The following GLRA2 variants were observed in gnomAD, a reference collection of about 807,000 sequenced individuals.
The protein encoded by GLRA2 is glycine receptor alpha 2, also known as glycine receptor subunit alpha-2.
In GLRA2, 11 loss-of-function variants were observed where a neutral mutation model predicts 31.6. That is an observed-to-expected ratio of 0.35 (90% CI 0.22 to 0.58). The LOEUF (loss-of-function observed/expected upper bound fraction) is 0.58, where lower values mean the gene tolerates loss of function less well. GLRA2 is among the 20% of genes least tolerant of loss of function. The probability of loss-of-function intolerance (pLI) is 0.84; values close to 1 mark genes in which losing one functional copy is unlikely to be tolerated. For missense variants in GLRA2, 212 were observed against 351.8 expected, an observed-to-expected ratio of 0.60 and a Z score of 3.18; for synonymous variants, 132 against 134.0, an observed-to-expected ratio of 0.99 and a Z score of 0.10.
At chrX:14,626,616 C>A (rs1192981920) in intron 7 of GLRA2, among the ~76,000 whole-genome samples, 1 of 111,650 alleles carries the variant, frequency 9.0e-6, no homozygotes, top group African/African-American at 3.2e-5. Context: ...TTTTAACCAT[C>A]ATTTTCATCA....
At chrX:14,691,286 T>A (rs924676062) in intron 8 of GLRA2, among the ~76,000 whole-genome samples, 1,030 of 67,843 alleles carry the variant, frequency 0.015, 16 homozygotes, top group African/African-American at 0.046. Context: ...TGTGTGTGTG[T>A]GTGTGTGTGT....
chrX:14,493,704 TACAC>T, the GLRA2 span, among the ~76,000 whole-genome samples: 1 of 96,593 alleles, frequency 1.0e-5, no homozygotes, highest in Non-Finnish European at 2.0e-5. Context: ...TATATATGTA[TACAC>T]ATGTATACAT....
the GLRA2 span, among the ~76,000 whole-genome samples, chrX:14,515,736 T>C: frequency 8.9e-6 from 1 of 112,200 alleles, no homozygotes; most frequent in Non-Finnish European, 1.9e-5. Flanking sequence ...ACTCATTCTT[T>C]GCCTTTGTAA....
At chrX:14,668,546 T>A (rs948020596) in intron 7 of GLRA2, among the ~76,000 whole-genome samples, 3 of 112,178 alleles carry the variant, frequency 2.7e-5, no homozygotes, top group Admixed American at 9.4e-5. Flanking sequence ...ACTGGGCAAT[T>A]TACAAAAGAA....
At chrX:14,659,207 G>GT (rs2090968934) in intron 7 of GLRA2, among the ~76,000 whole-genome samples, 3 of 112,176 alleles carry the variant, frequency 2.7e-5, no homozygotes, top group Non-Finnish European at 5.6e-5. Context: ...CAAAGGCAGA[G>GT]TTGAGTAGTT....
At chrX:14,630,821 T>A (rs890805036) in intron 7 of GLRA2, among the ~76,000 whole-genome samples, 3 of 97,360 alleles carry the variant, frequency 3.1e-5, no homozygotes, top group Admixed American at 1.1e-4. Flanking sequence ...TTTTTTTTTT[T>A]AATACCTTAA....
chrX:14,587,905 ATT>A (rs143523144), intron 4 of GLRA2, among the ~76,000 whole-genome samples: 4 of 98,445 alleles, frequency 4.1e-5, no homozygotes, highest in African/African-American at 1.5e-4. Context: ...TCTGTCTAGG[ATT>A]TTTTTTTTTT....
chrX:14,603,636 G>A (rs749326049), intron 4 of GLRA2, among the ~76,000 whole-genome samples: 2 of 111,739 alleles, frequency 1.8e-5, no homozygotes, highest in South Asian at 7.5e-4. Flanking sequence ...CTTAGGCAAG[G>A]ATTTCATGAC....
chrX:14,719,901 A>T (rs1190446458), intron 8 of GLRA2, among the ~76,000 whole-genome samples: 1 of 112,118 alleles, frequency 8.9e-6, no homozygotes, highest in African/African-American at 3.2e-5. Context: ...AATAGTATGG[A>T]TGAGTCTGGA....
At chrX:14,538,182 G>A (rs1208971302) in intron 2 of GLRA2, among the ~76,000 whole-genome samples, 1 of 110,162 alleles carries the variant, frequency 9.1e-6, no homozygotes, top group Non-Finnish European at 1.9e-5. Flanking sequence ...CCTGAACTTG[G>A]ATCTAGAAGA....
chrX:14,625,865 G>A (rs983249207), intron 7 of GLRA2, among the ~76,000 whole-genome samples: 2 of 111,518 alleles, frequency 1.8e-5, no homozygotes, highest in African/African-American at 6.5e-5. Flanking sequence ...TCAACCCAAC[G>A]AAGTAGGTAC....
At chrX:14,681,039 CTAT>C (rs1389266519) in intron 7 of GLRA2, among the ~76,000 whole-genome samples, 1 of 111,989 alleles carries the variant, frequency 8.9e-6, no homozygotes, top group Non-Finnish European at 1.9e-5. Context: ...TGGTAATGTT[CTAT>C]TATTACAGGA....
chrX:14,563,490 G>A (rs1160486294), intron 2 of GLRA2, among the ~76,000 whole-genome samples: 1 of 112,157 alleles, frequency 8.9e-6, no homozygotes, highest in Admixed American at 9.5e-5. Flanking sequence ...GCAAATTCTA[G>A]AGAAGGTAGA....
At chrX:14,687,481 T>C (rs998016897) in intron 7 of GLRA2, among the ~76,000 whole-genome samples, 10 of 111,980 alleles carry the variant, frequency 8.9e-5, no homozygotes, top group Non-Finnish European at 1.9e-4. Flanking sequence ...AGTCTCATAT[T>C]TCTTGGAGGC....
intron 8 of GLRA2, among the ~76,000 whole-genome samples, chrX:14,717,454 A>G (rs1223926048): frequency 1.8e-5 from 2 of 111,180 alleles, no homozygotes; most frequent in Non-Finnish European, 3.8e-5. Context: ...TGAAATAATT[A>G]AACTACCTTA....
At chrX:14,591,847 G>C (rs769361744) in intron 4 of GLRA2, among the ~76,000 whole-genome samples, 3 of 111,914 alleles carry the variant, frequency 2.7e-5, no homozygotes, top group Admixed American at 9.5e-5. Context: ...GCAACCAGTA[G>C]GTTTTCTTCC....
At chrX:14,534,427 A>G (rs1569486652) in intron 2 of GLRA2, among the ~76,000 whole-genome samples, 1 of 110,398 alleles carries the variant, frequency 9.1e-6, no homozygotes, top group Non-Finnish European at 1.9e-5. Context: ...TATCAGATCA[A>G]TTATCTGACA....
intron 7 of GLRA2, among the ~76,000 whole-genome samples, chrX:14,664,603 C>A (rs935637366): frequency 8.9e-6 from 1 of 111,896 alleles, no homozygotes; most frequent in Non-Finnish European, 1.9e-5. Flanking sequence ...AGATGATCTC[C>A]TTTTCTCTGC....
chrX:14,599,352 A>G (rs972509697), intron 4 of GLRA2, among the ~76,000 whole-genome samples: 6 of 112,498 alleles, frequency 5.3e-5, no homozygotes, highest in Admixed American at 1.9e-4. Flanking sequence ...ATGCTGGTCA[A>G]TGTCTGCCAG....
Sources: allele counts gnomAD v4.1 joint callset (sites outside exome capture counted in the v4.1 genomes callset), GRCh38; gene constraint gnomAD v4.1.1; transcripts MANE v1.5; gene names NCBI Gene and HGNC (gene_info 2026-07-23, HGNC 2026-07-21).